UBASH3B: variants seen among roughly 807,000 people sequenced by gnomAD.
UBASH3B encodes ubiquitin associated and SH3 domain containing B.
A neutral mutation model predicts 83.4 loss-of-function variants in UBASH3B; 37 were observed. That is an observed-to-expected ratio of 0.44 (90% CI 0.34 to 0.58). UBASH3B has a LOEUF of 0.58. Ranked by LOEUF, UBASH3B falls within the 20% of genes least tolerant of loss-of-function variation. The pLI is 0.01. For missense variants in UBASH3B, 657 were observed against 827.2 expected (o/e 0.79, Z 2.52); for synonymous variants, 304 against 318.3 (o/e 0.96, Z 0.48).
At chr11:122,766,018 G>A (rs539978097) in intron 1 of UBASH3B, among the ~76,000 whole-genome samples, 4 of 152,234 alleles carry the variant, frequency 2.6e-5, no homozygotes, top group Non-Finnish European at 2.9e-5. Context: ...GAAAAGTGAT[G>A]GCCTTTCACT....
intron 1 of UBASH3B, among the ~76,000 whole-genome samples, chr11:122,730,158 C>T (rs960579048): frequency 2.6e-5 from 4 of 151,924 alleles, no homozygotes; most frequent in Non-Finnish European, 4.4e-5. Flanking sequence ...TGATGGTGTG[C>T]GCCTGTAATC....
At chr11:122,794,861 C>G (rs775045211) in intron 7 of UBASH3B, 27 bp downstream of exon 7, 4 of 1,612,068 alleles carry the variant, frequency 2.5e-6, no homozygotes, top group South Asian at 2.2e-5. Context: ...GGGTCACACC[C>G]CCAACTCTAA....
chr11:122,805,277 C>A (rs1368228130), intron 11 of UBASH3B, among the ~76,000 whole-genome samples: 5 of 152,190 alleles, frequency 3.3e-5, no homozygotes, highest in Non-Finnish European at 7.3e-5. Context: ...TGCCTGTAAT[C>A]CCAGCACTTT....
Position 122,806,722 on chromosome 11 carries a change from G to A in UBASH3B, c.1702+206G>A, listed in dbSNP as rs1861345643. Among the ~76,000 whole-genome samples the A allele has an allele frequency of 6.6e-6, 1 of 152,272 alleles. No homozygotes were observed. ...ATTCCAGGGGTTTATACCAGACTTA[G>A]TTACTATTCTTAATAACTTAAATTC... is the stretch of plus-strand genomic sequence containing the variant. On this transcript the variant is annotated intron_variant, in intron 12 of 13. Transcript: ENST00000284273. The surrounding 1 kb of genome is among the most constrained non-coding windows in gnomAD (Gnocchi z 4.0).
intron 1 of UBASH3B, among the ~76,000 whole-genome samples, chr11:122,765,626 A>G (rs144909148): frequency 5.3e-5 from 8 of 152,342 alleles, no homozygotes; most frequent in Non-Finnish European, 7.3e-5. Context: ...GAAGTTTAGC[A>G]GACTAGAAGT....
chr11:122,786,151 G>A (rs544361931), intron 5 of UBASH3B, among the ~76,000 whole-genome samples: 1 of 152,178 alleles, frequency 6.6e-6, no homozygotes, highest in Non-Finnish European at 1.5e-5. Flanking sequence ...CTGGGTTCAC[G>A]CCGTTCTCCT....
intron 1 of UBASH3B, among the ~76,000 whole-genome samples, chr11:122,766,565 A>T (rs1218398129): frequency 6.6e-6 from 1 of 151,740 alleles, no homozygotes; most frequent in Non-Finnish European, 1.5e-5. Flanking sequence ...TAATAATAAT[A>T]AATAAATACC....
intron 1 of UBASH3B, among the ~76,000 whole-genome samples, chr11:122,684,754 C>T (rs967197748): frequency 3.3e-5 from 5 of 152,204 alleles, no homozygotes; most frequent in African/African-American, 7.2e-5. Context: ...TGCACCACCA[C>T]GCCCAGCTAA....
At chr11:122,688,746 C>G (rs1243882903) in intron 1 of UBASH3B, among the ~76,000 whole-genome samples, 51 of 151,080 alleles carry the variant, frequency 3.4e-4, no homozygotes, top group Non-Finnish European at 3.4e-4. Flanking sequence ...CCGGGTTCAC[C>G]CCATTCTCCT....
intron 1 of UBASH3B, among the ~76,000 whole-genome samples, chr11:122,766,986 T>C (rs573145928): frequency 3.0e-4 from 46 of 152,152 alleles, no homozygotes; most frequent in Non-Finnish European, 5.0e-4. Context: ...CTTCTATTAA[T>C]AGTAATCTCT....
At chr11:122,782,949 G>A (rs1362670751) in intron 4 of UBASH3B, 104 bp from the exon 5 acceptor site, 3 of 1,362,208 alleles carry the variant, frequency 2.2e-6, no homozygotes, top group African/African-American at 2.9e-5. Flanking sequence ...TTGTTATGTG[G>A]GAAGCAGAAT....
intron 1 of UBASH3B, among the ~76,000 whole-genome samples, chr11:122,760,213 G>A (rs1026593991): frequency 2.0e-5 from 3 of 152,214 alleles, no homozygotes; most frequent in Non-Finnish European, 4.4e-5. Context: ...CAACCGCCTG[G>A]CTGGTAAGGG....
chr11:122,762,889 G>T, intron 1 of UBASH3B, among the ~76,000 whole-genome samples: 1 of 152,238 alleles, frequency 6.6e-6, no homozygotes, highest in Non-Finnish European at 1.5e-5. Flanking sequence ...TGCAAAGATT[G>T]ATTAGATAAT....
chr11:122,658,578 C>T (rs930442604), intron 1 of UBASH3B, among the ~76,000 whole-genome samples: 1 of 152,164 alleles, frequency 6.6e-6, no homozygotes, highest in African/African-American at 2.4e-5. Context: ...GTACCACATG[C>T]CCATTTTATG....
chr11:122,783,374 TGCTTGCCTCACTGGGAGGCTTCCA>T (rs1232414840), intron 5 of UBASH3B, 152 bp downstream of exon 5: 4 of 944,628 alleles, frequency 4.2e-6, no homozygotes, highest in Non-Finnish European at 6.0e-6. Context: ...GTCCAGCCTC[TGCTTGCCTCACTGGGAGGCTTCCA>T]GCTTGCCTCC....
chr11:122,770,824 T>C (rs1398918629), intron 1 of UBASH3B, among the ~76,000 whole-genome samples: 1 of 152,212 alleles, frequency 6.6e-6, no homozygotes, highest in Non-Finnish European at 1.5e-5. Context: ...CGAAACATCA[T>C]TGCCAATATC....
At chr11:122,677,166 T>C (rs1295839911) in intron 1 of UBASH3B, among the ~76,000 whole-genome samples, 1 of 152,226 alleles carries the variant, frequency 6.6e-6, no homozygotes, top group Non-Finnish European at 1.5e-5. Context: ...TTTACATAGC[T>C]TCTATGTTGT....
At chr11:122,679,549 G>A (rs926074277) in intron 1 of UBASH3B, among the ~76,000 whole-genome samples, 1 of 152,152 alleles carries the variant, frequency 6.6e-6, no homozygotes, top group African/African-American at 2.4e-5. Flanking sequence ...AGATCCTTAG[G>A]TGATTGGTAT....
intron 6 of UBASH3B, 53 bp downstream of exon 6, chr11:122,789,361 CTGG>C: frequency 3.8e-6 from 6 of 1,574,852 alleles, no homozygotes; most frequent in Non-Finnish European, 5.2e-6. Context: ...CTAAGGCAGA[CTGG>C]ATCCTGGATA....
Sources: gnomAD v4.1 joint callset for allele counts (sites outside exome capture counted in the v4.1 genomes callset) on GRCh38, gnomAD v4.1.1 for gene constraint, Gnocchi (gnomAD v3.1) non-coding constraint, MANE v1.5 for transcripts, NCBI Gene and HGNC (gene_info 2026-07-23, HGNC 2026-07-21) for gene names.